GLB1: variants seen among roughly 807,000 people sequenced by gnomAD.
The protein encoded by GLB1 is galactosidase beta 1.
In GLB1, 56 loss-of-function variants were observed where a neutral mutation model predicts 74.0. That is an observed-to-expected ratio of 0.76 (90% CI 0.61 to 0.94). The LOEUF (loss-of-function observed/expected upper bound fraction) is 0.94. GLB1 is among the 40% of genes least tolerant of loss of function. GLB1 has a pLI of 0.00. For synonymous variants in GLB1, 323 were observed against 323.6 expected, an observed-to-expected ratio of 1.00 and a Z score of 0.02; for missense variants, 787 against 845.5, an observed-to-expected ratio of 0.93 and a Z score of 0.86.
chr3:33,058,702 TAC>T (rs1237555635), intron 5 of GLB1, among the ~76,000 whole-genome samples: 8 of 152,236 alleles, frequency 5.3e-5, no homozygotes, highest in African/African-American at 1.7e-4. Flanking sequence ...CGTCTAGATT[TAC>T]ACAGACCCAC....
chr3:33,077,595 C>G (rs1306165520), intron 1 of GLB1: 2 of 453,720 alleles, frequency 4.4e-6, no homozygotes, highest in Admixed American at 9.3e-5. Context: ...CTGACTACTA[C>G]AGTATAGTTT....
chr3:33,026,183 C>T (rs1357877677), intron 10 of GLB1, among the ~76,000 whole-genome samples: 1 of 152,166 alleles, frequency 6.6e-6, no homozygotes, highest in Non-Finnish European at 1.5e-5. Context: ...GGAAGGTCCC[C>T]CTCCCCCAAA....
chr3:33,073,163 A>G (rs1699948418), intron 1 of GLB1, among the ~76,000 whole-genome samples: 2 of 152,160 alleles, frequency 1.3e-5, no homozygotes, highest in Non-Finnish European at 2.9e-5. Flanking sequence ...CAGGGCAAAA[A>G]GCAATGGATT....
chr3:33,060,578 A>G (rs1699400027), intron 5 of GLB1, among the ~76,000 whole-genome samples: 1 of 152,146 alleles, frequency 6.6e-6, no homozygotes, highest in Non-Finnish European at 1.5e-5. Context: ...GCTCACCCCC[A>G]TGCCCAAACC....
In GLB1 at chr3:32,997,032, C is replaced by T; in HGVS notation, c.*13G>A. 6.2e-7 allele frequency: 1 copy of T among 1,614,094 alleles called. No individual in the cohort carries two copies. Among genetic ancestry groups the T allele is most frequent in the East Asian group, 2.2e-5 (1 of 44,884 alleles). On this transcript the variant is annotated 3_prime_UTR_variant, in exon 16 of 16. Transcript: ENST00000307363. ...TTCAGGGTAGAATCCCTCAAAGACACAGGCTTTCATCATCATACATGGTCC... is the reference window on the plus strand; with the variant it reads ...TTCAGGGTAGAATCCCTCAAAGACATAGGCTTTCATCATCATACATGGTCC...
chr3:33,088,412 A>C (rs1054825939), intron 1 of GLB1, among the ~76,000 whole-genome samples: 2 of 132,520 alleles, frequency 1.5e-5, no homozygotes, highest in African/African-American at 2.9e-5. Context: ...CACACACACA[A>C]ACTGTTAGAA....
chr3:33,020,586 T>C (rs1697426813), intron 12 of GLB1, among the ~76,000 whole-genome samples: 1 of 152,190 alleles, frequency 6.6e-6, no homozygotes, highest in African/African-American at 2.4e-5. Context: ...AATGTCCATG[T>C]CATGAGAGAG....
downstream of GLB1, among the ~76,000 whole-genome samples, chr3:32,992,770 A>G (rs577256497): frequency 6.6e-6 from 1 of 152,344 alleles, no homozygotes; most frequent in Admixed American, 6.5e-5. Flanking sequence ...TTGTGGTGCA[A>G]ACAGAGCAAC....
intron 15 of GLB1, among the ~76,000 whole-genome samples, chr3:33,010,132 A>G (rs1203950366): frequency 6.6e-6 from 1 of 152,190 alleles, no homozygotes; most frequent in African/African-American, 2.4e-5. Context: ...GCTGGGTTCT[A>G]TGGTAATCTA....
chr3:33,063,027 T>C (rs1699511364), intron 5 of GLB1, among the ~76,000 whole-genome samples: 1 of 152,176 alleles, frequency 6.6e-6, no homozygotes, highest in Non-Finnish European at 1.5e-5. Flanking sequence ...GAGGCGACAG[T>C]GACGGTTCTG....
chr3:33,047,440 G>C (rs1401693813), intron 9 of GLB1, among the ~76,000 whole-genome samples: 1 of 152,204 alleles, frequency 6.6e-6, no homozygotes. Flanking sequence ...AGCAGGTCTG[G>C]AGTGGGGCCT....
chr3:33,063,212 A>G (rs894355740), intron 5 of GLB1, among the ~76,000 whole-genome samples: 1 of 152,148 alleles, frequency 6.6e-6, no homozygotes, highest in Non-Finnish European at 1.5e-5. Flanking sequence ...CACACAGAAA[A>G]TAGGTCACAC....
intron 10 of GLB1, among the ~76,000 whole-genome samples, chr3:33,024,849 G>C (rs1203661168): frequency 2.2e-5 from 3 of 137,072 alleles, no homozygotes; most frequent in East Asian, 3.9e-4. Context: ...CACACACACA[G>C]ACAGAGAGAG....
chr3:33,011,166 T>C (rs189709312), intron 15 of GLB1, among the ~76,000 whole-genome samples: 134 of 151,874 alleles, frequency 8.8e-4, no homozygotes, highest in African/African-American at 3.0e-3. Flanking sequence ...TAAAACATAC[T>C]TTTTAATAAT....
At chr3:33,037,186 C>T (rs1698317150) in intron 10 of GLB1, among the ~76,000 whole-genome samples, 1 of 151,892 alleles carries the variant, frequency 6.6e-6, no homozygotes, top group Non-Finnish European at 1.5e-5. Context: ...GCTGGAATTA[C>T]AGGTGTGCGC....
intron 10 of GLB1, among the ~76,000 whole-genome samples, chr3:33,035,633 T>G (rs1698241435): frequency 6.6e-6 from 1 of 152,088 alleles, no homozygotes; most frequent in Non-Finnish European, 1.5e-5. Flanking sequence ...AAGGATACAA[T>G]TAGAAGTCAG....
At chr3:33,007,971 C>T (rs1696853834) in intron 15 of GLB1, among the ~76,000 whole-genome samples, 1 of 152,232 alleles carries the variant, frequency 6.6e-6, no homozygotes, top group Non-Finnish European at 1.5e-5. Context: ...ATCTAAGCCT[C>T]CAGCTACTCA....
At chr3:33,059,636 G>A (rs916209297) in intron 5 of GLB1, among the ~76,000 whole-genome samples, 8 of 152,160 alleles carry the variant, frequency 5.3e-5, no homozygotes, top group Non-Finnish European at 1.0e-4. Context: ...GGTCATAAGC[G>A]TCAGGACAGT....
rs1575392138 is a variant in GLB1, at chr3:32,996,729, C to T, written c.*316G>A. On this transcript the variant is annotated 3_prime_UTR_variant, in exon 16 of 16. Transcript: ENST00000307363. ...TGCACATTAAAAACAGTGACATCAT[C>T]ATTTGAGTACAAATTTTATTTAACA... 2 of 378,946 alleles carry T rather than the reference C, an allele frequency of 5.3e-6. No individual in the cohort carries two copies. The highest frequency in any genetic ancestry group is 2.4e-5 in the South Asian group (1 of 42,412). The allele number at this position is 378,946 out of a possible 1,614,324, so 23.5% of individuals were successfully genotyped here. A position where few individuals can be genotyped will look rare whatever the true frequency, so the allele number is the denominator to read the frequency against.
Sources: allele counts gnomAD v4.1 joint callset (sites outside exome capture counted in the v4.1 genomes callset), GRCh38; gene constraint gnomAD v4.1.1; transcripts MANE v1.5; gene names NCBI Gene and HGNC (gene_info 2026-07-23, HGNC 2026-07-21).